RGL4: variants seen among roughly 807,000 people sequenced by gnomAD.
RGL4 encodes ral-GDS-related protein.
RGL4 carries 41 observed loss-of-function variants against 49.6 expected under a neutral mutation model. The observed-to-expected ratio is 0.83, with a 90% CI of 0.64 to 1.07. The LOEUF is 1.07. Ranked by LOEUF, RGL4 falls within the 50% of genes least tolerant of loss-of-function variation. RGL4 has a pLI of 0.00. For missense variants in RGL4, 610 were observed against 591.9 expected, an observed-to-expected ratio of 1.03 and a Z score of -0.32; for synonymous variants, 255 against 238.0, an observed-to-expected ratio of 1.07 and a Z score of -0.66.
chr22:23,693,140 T>C, intron 3 of RGL4, 149 bp downstream of exon 3: 1 of 1,347,806 alleles, frequency 7.4e-7, no homozygotes, highest in Admixed American at 2.9e-5. Context: ...CCCACAAGCC[T>C]TCCCTGTCTG....
At chr22:23,693,225 T>C (rs987478831) in intron 3 of RGL4, 40 of 739,302 alleles carry the variant, frequency 5.4e-5, no homozygotes, top group Non-Finnish European at 8.0e-5. Flanking sequence ...TGACAGGAGA[T>C]GGACAGAAAG....
intron 3 of RGL4, chr22:23,693,266 G>C (rs1923259138): frequency 1.3e-5 from 7 of 557,132 alleles, no homozygotes; most frequent in Non-Finnish European, 2.2e-5. Context: ...CTGTGGGGCA[G>C]GCAGGGCCAT....
chr22:23,693,022 C>G, intron 3 of RGL4, 31 bp downstream of exon 3: 1 of 1,553,792 alleles, frequency 6.4e-7, no homozygotes, highest in Non-Finnish European at 8.7e-7. Flanking sequence ...GGCTGTGTCT[C>G]TGGCACCAGC....
At chr22:23,694,870 G>A (rs1466399482) in intron 5 of RGL4, 80 bp from the exon 6 acceptor site, 1 of 1,137,880 alleles carries the variant, frequency 8.8e-7, no homozygotes, top group Non-Finnish European at 1.3e-6. Flanking sequence ...GATTCACTGG[G>A]TTTTCAAACA....
At position 23,693,830 on chromosome 22, in the gene RGL4, T is replaced by C; in HGVS notation, c.768T>C (p.Asn256=). The part of the protein sequence containing the change: ...CIWGQGHLKG[N]EHMAPTVRAT... ...GGGGCCAAGGACATCTGAAGGGGAA[T>C]GAGCACATGGCACCCACAGTTCGTG... Residue 256 remains asparagine, a synonymous_variant, in exon 4 of 11, where the codon AAT becomes AAC. Transcript: ENST00000290691. The C allele has an allele frequency of 1.2e-6, 2 of 1,614,052 alleles. No homozygotes were observed. Among genetic ancestry groups the C allele is most frequent in the Non-Finnish European group, 1.7e-6 (2 of 1,180,024 alleles).
chr22:23,697,104 G>A (rs549735593), intron 7 of RGL4, 67 bp from the exon 8 acceptor site: 2 of 1,212,326 alleles, frequency 1.6e-6, no homozygotes, highest in Admixed American at 3.9e-5. Flanking sequence ...AGGACCTTGG[G>A]CAGGCACCTG....
chr22:23,695,014 A>C lies in RGL4; in HGVS notation c.1081A>C (p.Ile361Leu). 6 of 1,610,524 alleles carry C rather than the reference A, an allele frequency of 3.7e-6. No homozygotes were observed. The highest frequency in any genetic ancestry group is 5.1e-6 in the Non-Finnish European group (6 of 1,176,846). Residue 361 changes from isoleucine to leucine, a missense_variant, in exon 6 of 11, where the codon ATC becomes CTC. Physicochemically the swap from Ile to Leu is conservative, Grantham distance 5. Transcript: ENST00000290691. ...KDTAVKRDLL[I>L]KAGSFKVATQ... ...CACTGCAGTGAAGAGGGACCTACTG[A>C]TCAAGGTACAGTGGAGTCTGGGAGA...
At chr22:23,693,146 G>A in intron 3 of RGL4, 155 bp downstream of exon 3, 2 of 1,315,074 alleles carry the variant, frequency 1.5e-6, no homozygotes. Context: ...AGCCTTCCCT[G>A]TCTGCATGTG....
chr22:23,698,092 G>A, intron 9 of RGL4, 120 bp from the exon 10 acceptor site: 1 of 1,344,872 alleles, frequency 7.4e-7, no homozygotes, highest in Non-Finnish European at 1.0e-6. Flanking sequence ...CAGGCTGGGG[G>A]CGCTGCATGG....
rs939677527 is a variant in RGL4, at chr22:23,695,007, C to T, written c.1074C>T (p.Asp358=). The change falls in exon 6 of 11, where the codon GAC becomes GAT. Residue 358 remains aspartate, a synonymous_variant. Transcript: ENST00000290691. Reference sequence around the variant, plus strand: ...AAAAAGACACTGCAGTGAAGAGGGACCTACTGATCAAGGTACAGTGGAGTC... The same window carrying T: ...AAAAAGACACTGCAGTGAAGAGGGATCTACTGATCAAGGTACAGTGGAGTC... The part of the protein sequence containing the change: ...LCKKDTAVKR[D]LLIKAGSFKV... The T allele has an allele frequency of 1.9e-6, 3 of 1,611,746 alleles. No homozygotes were observed. Among genetic ancestry groups the T allele is most frequent in the Admixed American group, 1.7e-5 (1 of 59,984 alleles).
intron 4 of RGL4, 126 bp from the exon 5 acceptor site, chr22:23,694,221 G>C (rs1923338337): frequency 1.2e-6 from 1 of 814,498 alleles, no homozygotes; most frequent in African/African-American, 1.7e-5. Context: ...TCGGCCCCAG[G>C]TCTGCCCTCC....
At chr22:23,697,737 CCT>C (rs1601291547) in intron 8 of RGL4, 99 bp from the exon 9 acceptor site, 5 of 1,330,424 alleles carry the variant, frequency 3.8e-6, no homozygotes, top group Non-Finnish European at 5.3e-6. Context: ...GTGCACATCC[CCT>C]GACCCTGGTG....
In RGL4 at chr22:23,695,438, T is replaced by TCTGTTGCTG. The variant is rs71200896; in HGVS notation, c.1086+422_1086+423insTTGCTGCTG. The stretch of plus-strand genomic sequence containing the variant: ...CAGCAATTCCTCAGGAAGCCAGGCC[T>TCTGTTGCTG]CTGCTGCTGCTGCTGCTGCTGCTGC... On this transcript the variant is annotated intron_variant, in intron 6 of 10. Coordinates refer to ENST00000290691, the MANE Select transcript of RGL4 (RefSeq NM_153615.2). The TCTGTTGCTG allele has an allele frequency of 1.4e-3, 788 of 548,374 alleles. 82 individuals carry two copies. The highest frequency in any genetic ancestry group is 2.2e-3 in the Non-Finnish European group (686 of 316,096). 34.0% of individuals were successfully genotyped at this position (548,374 alleles called of 1,614,324 possible).
intron 1 of RGL4, 30 bp downstream of exon 1, chr22:23,692,239 G>C: frequency 6.2e-7 from 1 of 1,609,320 alleles, no homozygotes; most frequent in East Asian, 2.2e-5. Flanking sequence ...CACACTGGCA[G>C]CAACAGGCCA....
chr22:23,692,839 C>T lies in RGL4; in HGVS notation c.544C>T (p.Pro182Ser), dbSNP rs556940837. ...GCCAGCACCAGCACCAGGGGAAGGGCCCCCTCCAGGGACAGTGCTGGAGCC... is the reference window on the plus strand; with the variant it reads ...GCCAGCACCAGCACCAGGGGAAGGGTCCCCTCCAGGGACAGTGCTGGAGCC... ...PGPAPAPGEG[P>S]PPGTVLEPQS... Residue 182 changes from proline to serine, a missense_variant, in exon 3 of 11, where the codon CCC becomes TCC. Pro to Ser is a moderately conservative substitution (Grantham distance 74). Transcript: ENST00000290691. 1.2e-6 allele frequency: 2 copies of T among 1,613,562 alleles called. No individual in the cohort carries two copies. The highest frequency in any genetic ancestry group is 1.1e-5 in the South Asian group (1 of 91,084).
intron 6 of RGL4, chr22:23,696,183 G>A: frequency 3.0e-6 from 2 of 671,766 alleles, no homozygotes; most frequent in Non-Finnish European, 4.1e-6. Context: ...TGGGGGCCCT[G>A]GGGAGCCACT....
chr22:23,695,845 TG>T (rs1228714884), intron 6 of RGL4, among the ~76,000 whole-genome samples: 1 of 152,092 alleles, frequency 6.6e-6, no homozygotes, highest in East Asian at 1.9e-4. Flanking sequence ...CAGTCAGAGA[TG>T]GCGCATCAGG....
At position 23,693,816 on chromosome 22, in the gene RGL4, C is replaced by T. The variant is rs1923305580; in HGVS notation, c.754C>T (p.His252Tyr). ...CTTGGGCTGCATCTGGGGCCAAGGA[C>T]ATCTGAAGGGGAATGAGCACATGGC... ...ECLGCIWGQG[H>Y]LKGNEHMAPT... is the part of the protein sequence containing the mutation. Residue 252 changes from histidine to tyrosine, a missense_variant, in exon 4 of 11, where the codon CAT becomes TAT. Coordinates refer to ENST00000290691, the MANE Select transcript of RGL4 (RefSeq NM_153615.2). 1.2e-6 allele frequency: 2 copies of T among 1,614,106 alleles called. No homozygotes were observed. The highest frequency in any genetic ancestry group is 1.3e-5 in the African/African-American group (1 of 75,022).
In RGL4 at chr22:23,693,873, A is replaced by G; in HGVS notation, c.811A>G (p.Asn271Asp). 6.2e-7 allele frequency: 1 copy of G among 1,614,028 alleles called. No homozygotes were observed. The highest frequency in any genetic ancestry group is 8.5e-7 in the Non-Finnish European group (1 of 1,180,030). Residue 271 changes from asparagine (N) to aspartate (D), a missense_variant, in exon 4 of 11, where the codon AAC becomes GAC. Coordinates refer to ENST00000290691, the MANE Select transcript of RGL4 (RefSeq NM_153615.2). ...PTVRATIAHF[N>D]RLTNCITTSC... is the part of the protein sequence containing the mutation. Reference sequence around the variant, plus strand: ...AGTTCGTGCCACCATCGCACACTTCAACAGGCTCACCAACTGCATCACCAC... The same window carrying G: ...AGTTCGTGCCACCATCGCACACTTCGACAGGCTCACCAACTGCATCACCAC...
Sources: allele counts gnomAD v4.1 joint callset (sites outside exome capture counted in the v4.1 genomes callset), GRCh38; gene constraint gnomAD v4.1.1; transcripts MANE v1.5; gene names NCBI Gene and HGNC (gene_info 2026-07-23, HGNC 2026-07-21).